Variants in EPB41L3 observed in about 807,000 individuals in gnomAD.
EPB41L3 encodes erythrocyte membrane protein band 4.1 like 3.
A neutral mutation model predicts 127.1 loss-of-function variants in EPB41L3; 57 were observed. The observed-to-expected ratio is 0.45, with a 90% CI of 0.36 to 0.56. The LOEUF (loss-of-function observed/expected upper bound fraction) is 0.56. EPB41L3 is among the 20% of genes least tolerant of loss of function. The pLI, the probability that EPB41L3 is intolerant of heterozygous loss-of-function variation, is 0.00. For synonymous variants in EPB41L3, 572 were observed against 549.5 expected (o/e 1.04, Z -0.57); for missense variants, 1,273 against 1,372.2 (o/e 0.93, Z 1.14).
intron 1 of EPB41L3, among the ~76,000 whole-genome samples, chr18:5,628,753 G>A (rs1235118167): frequency 6.6e-6 from 1 of 152,002 alleles, no homozygotes; most frequent in Non-Finnish European, 1.5e-5. Context: ...TCCCGAATCC[G>A]CAGCGGCGGC....
intron 9 of EPB41L3, 119 bp downstream of exon 9, chr18:5,428,194 A>G (rs1208484727): frequency 8.8e-7 from 1 of 1,132,900 alleles, no homozygotes; most frequent in East Asian, 2.4e-5. Context: ...TCTCTCAGGC[A>G]CTTAGATGTC....
chr18:5,433,180 A>G (rs181737394), intron 8 of EPB41L3, among the ~76,000 whole-genome samples: 46 of 152,340 alleles, frequency 3.0e-4, no homozygotes, highest in African/African-American at 9.1e-4. Context: ...ATGTCAAGGT[A>G]GGTTTCTAAC....
chr18:5,623,493 T>C (rs1309874312), intron 1 of EPB41L3, among the ~76,000 whole-genome samples: 1 of 152,160 alleles, frequency 6.6e-6, no homozygotes, highest in Non-Finnish European at 1.5e-5. Flanking sequence ...GGAGGGTGAA[T>C]TTATCCTCTC....
chr18:5,498,251 C>G (rs1425318755), intron 1 of EPB41L3, among the ~76,000 whole-genome samples: 3 of 152,186 alleles, frequency 2.0e-5, no homozygotes, highest in African/African-American at 7.2e-5. Context: ...AATTGAGCTT[C>G]CTGATAGCTG....
intron 2 of EPB41L3, chr18:5,479,606 T>C (rs1203195261): frequency 6.6e-6 from 1 of 152,176 alleles, no homozygotes; most frequent in Non-Finnish European, 1.5e-5. Flanking sequence ...AGTACTCTCC[T>C]CCAATTCTAT....
chr18:5,630,062 C>T (rs532589020), upstream of EPB41L3, among the ~76,000 whole-genome samples: 1 of 152,336 alleles, frequency 6.6e-6, no homozygotes, highest in African/African-American at 2.4e-5. Flanking sequence ...AGGCGCCGCG[C>T]CCGGCTTCCG....
intron 1 of EPB41L3, among the ~76,000 whole-genome samples, chr18:5,614,932 G>A (rs149378597): frequency 1.8e-4 from 28 of 152,312 alleles, no homozygotes; most frequent in Non-Finnish European, 3.8e-4. Context: ...GTCAGGTTAT[G>A]TGTATGAAGA....
intron 22 of EPB41L3, 53 bp from the exon 23 acceptor site, chr18:5,393,531 T>C (rs2072734943): frequency 1.4e-6 from 1 of 699,400 alleles, no homozygotes; most frequent in African/African-American, 1.8e-5. Flanking sequence ...TGAAAGATTT[T>C]CTCAGATCAA....
At chr18:5,492,650 C>T (rs181247969) in intron 1 of EPB41L3, among the ~76,000 whole-genome samples, 6 of 152,224 alleles carry the variant, frequency 3.9e-5, no homozygotes, top group African/African-American at 1.4e-4. Context: ...ACTTGAAATC[C>T]CAAACAGAAA....
At chr18:5,399,601 T>C (rs952975835) in intron 16 of EPB41L3, 7 of 378,482 alleles carry the variant, frequency 1.8e-5, no homozygotes, top group Admixed American at 4.5e-5. Flanking sequence ...GTAGGTAGAG[T>C]TGCAACTTCT....
intron 1 of EPB41L3, among the ~76,000 whole-genome samples, chr18:5,522,911 A>C (rs896774427): frequency 6.6e-6 from 1 of 151,856 alleles, no homozygotes; most frequent in Non-Finnish European, 1.5e-5. Context: ...ACGGAAAATG[A>C]TATTACTTTT....
At chr18:5,562,311 TAAAA>T (rs200579474) in intron 3 of EPB41L3, among the ~76,000 whole-genome samples, 2 of 151,314 alleles carry the variant, frequency 1.3e-5, no homozygotes, top group Admixed American at 6.6e-5. Context: ...AGTTTAAAGG[TAAAA>T]AAAAAGATTA....
At chr18:5,556,003 T>G (rs1290975174) in intron 3 of EPB41L3, among the ~76,000 whole-genome samples, 1 of 152,218 alleles carries the variant, frequency 6.6e-6, no homozygotes, top group East Asian at 1.9e-4. Flanking sequence ...GTGTGGCGAT[T>G]CCATGAACCA....
At position 5,428,322 on chromosome 18, in the gene EPB41L3, C is replaced by A. The variant is rs2078516993; in HGVS notation, c.1056G>T (p.Arg352=). The A allele has an allele frequency of 3.7e-6, 6 of 1,614,158 alleles. No homozygotes were observed. In the East Asian group the frequency reaches 1.1e-4, roughly 30 times the overall value. Residue 352 remains arginine (R), a synonymous_variant, in exon 9 of 23, where the codon CGG becomes CGT. Transcript: ENST00000341928. ...YKRNNFYIKI[R]PGEFEQFEST... ...ATGTGGGTATACTTACCTCTCCCGG[C>A]CGGATCTTAATGTAAAAGTTGTTCC...
intron 3 of EPB41L3, among the ~76,000 whole-genome samples, chr18:5,561,712 T>G (rs2094137909): frequency 6.6e-6 from 1 of 152,270 alleles, no homozygotes; most frequent in South Asian, 2.1e-4. Flanking sequence ...TCAAAGTTTC[T>G]CCCCGCAAAT....
intron 3 of EPB41L3, chr18:5,467,727 C>T (rs989643245): frequency 6.6e-6 from 1 of 152,216 alleles, no homozygotes; most frequent in African/African-American, 2.4e-5. Flanking sequence ...ATTTTCTCAG[C>T]TTCATAAACT....
intron 1 of EPB41L3, among the ~76,000 whole-genome samples, chr18:5,625,011 A>G (rs982396124): frequency 1.3e-5 from 2 of 152,148 alleles, no homozygotes; most frequent in African/African-American, 2.4e-5. Flanking sequence ...AGAGAAATCA[A>G]ACCTAAAGGC....
intron 3 of EPB41L3, among the ~76,000 whole-genome samples, chr18:5,589,824 A>G (rs1316048994): frequency 1.3e-5 from 2 of 152,246 alleles, no homozygotes; most frequent in Non-Finnish European, 2.9e-5. Context: ...AAGGACATTA[A>G]TCAGATTCAT....
Position 5,602,293 on chromosome 18 carries a change from T to G in EPB41L3, c.-306+10047A>C, listed in dbSNP as rs538085494. Among the ~76,000 whole-genome samples, 3 of 152,326 alleles carry G rather than the reference T, an allele frequency of 2.0e-5. 1 individual carries two copies. The South Asian group carries it at 6.2e-4, about 32-fold the overall frequency. On this transcript the variant is annotated intron_variant, in intron 3 of 21. Transcript: ENST00000545076. ...CGTTTTCCATCCCTCCTGCCAGTAT[T>G]AATCATAGCAAAGCTTATATACAAA...
Sources: gnomAD v4.1 joint callset for allele counts (sites outside exome capture counted in the v4.1 genomes callset) on GRCh38, gnomAD v4.1.1 for gene constraint, MANE v1.5 for transcripts, NCBI Gene and HGNC (gene_info 2026-07-23, HGNC 2026-07-21) for gene names.